The following TRAF5 variants were observed in gnomAD, a reference collection of about 807,000 sequenced individuals.
TRAF5 encodes the protein TNF receptor-associated factor 5.
Under a neutral mutation model 64.5 loss-of-function variants are expected in TRAF5, and 48 were observed. The observed-to-expected ratio is 0.74, with a 90% CI of 0.59 to 0.95. TRAF5 has a LOEUF of 0.95. Among genes scored for constraint, TRAF5 ranks in the 40% least tolerant of loss-of-function variants. The pLI is 0.00. For synonymous variants in TRAF5, 206 were observed against 240.5 expected (o/e 0.86, Z 1.33); for missense variants, 545 against 662.8 (o/e 0.82, Z 1.95).
At chr1:211,348,915 G>T (rs1414371772) in intron 1 of TRAF5, among the ~76,000 whole-genome samples, 1 of 151,304 alleles carries the variant, frequency 6.6e-6, no homozygotes, top group Non-Finnish European at 1.5e-5. Context: ...TGTTATCTTA[G>T]ACCAGGTGCT....
Position 211,372,605 on chromosome 1 carries a change from C to T in TRAF5, c.1577C>T (p.Ala526Val). 1 of 1,614,152 alleles carries T rather than the reference C, an allele frequency of 6.2e-7. No individual in the cohort carries two copies. The highest frequency in any genetic ancestry group is 1.1e-5 in the South Asian group (1 of 91,078). The change falls in exon 11 of 11, where the codon GCT becomes GTT. Residue 526 changes from alanine to valine, a missense_variant. Coordinates refer to ENST00000261464, the MANE Select transcript of TRAF5 (RefSeq NM_001033910.3). ...GCATCTGGCTGTCCCCGCTTTGTGG[C>T]TCATTCTGTTTTGGAGAATGCCAAG... ...NIASGCPRFV[A>V]HSVLENAKNA...
At chr1:211,327,229 C>G (rs1384195145) in intron 1 of TRAF5, among the ~76,000 whole-genome samples, 4 of 152,140 alleles carry the variant, frequency 2.6e-5, no homozygotes, top group African/African-American at 9.7e-5. Context: ...GGCTGTGGAC[C>G]GGAGGGGCCA....
intron 1 of TRAF5, among the ~76,000 whole-genome samples, chr1:211,336,902 G>A (rs1448532862): frequency 3.9e-5 from 6 of 152,284 alleles, no homozygotes; most frequent in South Asian, 4.1e-4. Flanking sequence ...CAACTGATCC[G>A]CTCACCTCGG....
intron 8 of TRAF5, among the ~76,000 whole-genome samples, chr1:211,366,262 A>C (rs763613967): frequency 1.4e-4 from 22 of 152,316 alleles, no homozygotes; most frequent in Middle Eastern, 3.4e-3. Flanking sequence ...TGTGAGTTCC[A>C]GGGTCAGATT....
At chr1:211,369,318 A>G in intron 8 of TRAF5, 134 bp from the exon 9 acceptor site, 4 of 856,472 alleles carry the variant, frequency 4.7e-6, no homozygotes, top group Non-Finnish European at 6.7e-6. Context: ...TCTACCCTGT[A>G]AATATTTTCC....
At position 211,372,443 on chromosome 1, in the gene TRAF5, C is replaced by T. The variant is rs760225154; in HGVS notation, c.1415C>T (p.Ser472Leu). ...GTGGTCATGCGAGGAGAGTTTGACT[C>T]ACTGTTGCAGTGGCCATTCAGGCAG... Reference protein sequence around the residue: ...YFVVMRGEFDSLLQWPFRQRV... With the variant: ...YFVVMRGEFDLLLQWPFRQRV... The change falls in exon 11 of 11, where the codon TCA (serine) becomes TTA (leucine). Residue 472 changes from serine (S) to leucine (L), a missense_variant. Physicochemically the swap from Ser to Leu is moderately radical, Grantham distance 145. Transcript: ENST00000261464. 20 of 1,614,030 alleles carry T rather than the reference C, an allele frequency of 1.2e-5. No homozygotes were observed. The East Asian group carries it at 2.2e-4, about 18-fold the overall frequency.
Position 211,358,459 on chromosome 1 carries a change from G to C in TRAF5, c.379-1453G>C, listed in dbSNP as rs951831452. On this transcript the variant is annotated intron_variant, in intron 4 of 10. Transcript: ENST00000261464. The stretch of plus-strand genomic sequence containing the variant: ...GCCACTGCACTTCAGCCTGGGTGAC[G>C]GTGCGAGACTCTGTCTAAAAAAAAA... The C allele has an allele frequency of 3.4e-5, 5 of 147,796 alleles. No homozygotes were observed. The East Asian group carries it at 9.9e-4, about 29-fold the overall frequency. 9.2% of individuals were successfully genotyped at this position (147,796 alleles called of 1,614,324 possible). A position where few individuals can be genotyped will look rare whatever the true frequency, so the allele number is the denominator to read the frequency against.
At chr1:211,329,564 C>G (rs983641334) in intron 1 of TRAF5, among the ~76,000 whole-genome samples, 6 of 152,190 alleles carry the variant, frequency 3.9e-5, no homozygotes, top group Non-Finnish European at 7.3e-5. Flanking sequence ...TCTTCTTTCT[C>G]CAATTCCTGT....
chr1:211,353,384 C>CA lies in TRAF5; in HGVS notation c.146dup (p.His49GlnfsTer37). ...AGAGCGCTACAAATGTGCCTTCTGCCACTCGGTGCTTCACAACCCCCACCA... is the reference window on the plus strand; with the variant it reads ...AGAGCGCTACAAATGTGCCTTCTGCCAACTCGGTGCTTCACAACCCCCACCA... On this transcript the variant is annotated frameshift_variant, in exon 2 of 11. Coordinates refer to ENST00000261464, the MANE Select transcript of TRAF5 (RefSeq NM_001033910.3). LOFTEE classifies it high-confidence loss of function. The CA allele has an allele frequency of 6.2e-7, 1 of 1,614,112 alleles. No individual in the cohort carries two copies. Among genetic ancestry groups the CA allele is most frequent in the Non-Finnish European group, 8.5e-7 (1 of 1,180,030 alleles).
At chr1:211,369,823 T>TGTGTGTGTGTGTGTGC (rs1491410834) in intron 9 of TRAF5, among the ~76,000 whole-genome samples, 4 of 136,202 alleles carry the variant, frequency 2.9e-5, no homozygotes, top group African/African-American at 1.1e-4. Flanking sequence ...CCGACGTGTA[T>TGTGTGTGTGTGTGTGC]GTGTGTGTGT....
rs1702857439 is a variant in TRAF5, at chr1:211,353,390, G to A, written c.151G>A (p.Val51Met). ...ERYKCAFCHS[V>M]LHNPHQTGCG... Reference sequence around the variant, plus strand: ...CTACAAATGTGCCTTCTGCCACTCGGTGCTTCACAACCCCCACCAGACAGG... The same window carrying A: ...CTACAAATGTGCCTTCTGCCACTCGATGCTTCACAACCCCCACCAGACAGG... Residue 51 changes from valine (V) to methionine (M), a missense_variant, in exon 2 of 11, where the codon GTG (valine) becomes ATG (methionine). Coordinates refer to ENST00000261464, the MANE Select transcript of TRAF5 (RefSeq NM_001033910.3). 1 of 1,614,134 alleles carries A rather than the reference G, an allele frequency of 6.2e-7. No homozygotes were observed. The highest frequency in any genetic ancestry group is 8.5e-7 in the Non-Finnish European group (1 of 1,180,040).
intron 1 of TRAF5, among the ~76,000 whole-genome samples, chr1:211,336,282 C>T (rs1572054646): frequency 6.6e-6 from 1 of 152,214 alleles, no homozygotes; most frequent in South Asian, 2.1e-4. Context: ...CAGCATTTCC[C>T]CTTTCTCAGG....
intron 7 of TRAF5, 145 bp downstream of exon 7, chr1:211,361,307 G>A (rs950526991): frequency 5.8e-6 from 4 of 695,316 alleles, no homozygotes; most frequent in African/African-American, 3.6e-5. Context: ...GTTCTCCAGA[G>A]AAACAGAACC....
At chr1:211,355,838 A>C (rs1325470134) in intron 3 of TRAF5, among the ~76,000 whole-genome samples, 1 of 152,226 alleles carries the variant, frequency 6.6e-6, no homozygotes, top group Non-Finnish European at 1.5e-5. Context: ...GTGTTCATAA[A>C]TAGTGTTTTA....
chr1:211,359,825 T>C, intron 4 of TRAF5, 87 bp from the exon 5 acceptor site: 3 of 1,542,760 alleles, frequency 1.9e-6, no homozygotes, highest in Non-Finnish European at 2.7e-6. Context: ...CCCACCCTGT[T>C]CTCTCTCCCT....
intron 1 of TRAF5, among the ~76,000 whole-genome samples, chr1:211,332,973 T>C (rs189566622): frequency 6.6e-6 from 1 of 152,338 alleles, no homozygotes; most frequent in East Asian, 1.9e-4. Flanking sequence ...AGCCAGAGGC[T>C]AAGTTCTTTC....
At chr1:211,338,782 G>A (rs1702372362) in intron 1 of TRAF5, among the ~76,000 whole-genome samples, 1 of 152,056 alleles carries the variant, frequency 6.6e-6, no homozygotes, top group Non-Finnish European at 1.5e-5. Context: ...GTGCCACCAT[G>A]CCCAGGTAAT....
At chr1:211,346,808 A>G (rs1359549022) in intron 1 of TRAF5, among the ~76,000 whole-genome samples, 1 of 152,238 alleles carries the variant, frequency 6.6e-6, no homozygotes, top group Non-Finnish European at 1.5e-5. Context: ...ATACGTAAGT[A>G]AAGAATGTAA....
At chr1:211,332,234 C>T (rs1702174806) in intron 1 of TRAF5, among the ~76,000 whole-genome samples, 2 of 152,182 alleles carry the variant, frequency 1.3e-5, no homozygotes, top group Admixed American at 1.3e-4. Context: ...AGAGAGCCAA[C>T]ACAGGAAAAA....
Sources: gnomAD v4.1 joint callset for allele counts (sites outside exome capture counted in the v4.1 genomes callset) on GRCh38, gnomAD v4.1.1 for gene constraint, MANE v1.5 for transcripts, NCBI Gene and HGNC (gene_info 2026-07-23, HGNC 2026-07-21) for gene names.